RIMBP2: variants seen among roughly 807,000 people sequenced by gnomAD.
RIMBP2 encodes the protein RIMS binding protein 2, also known as RIMS-binding protein 2.
In RIMBP2, 48 loss-of-function variants were observed where a neutral mutation model predicts 118.6. That is an observed-to-expected ratio of 0.40 (90% confidence interval 0.32 to 0.51). The LOEUF is 0.51. Ranked by LOEUF, RIMBP2 falls within the 20% of genes least tolerant of loss-of-function variation. RIMBP2 has a pLI of 0.41. For synonymous variants in RIMBP2, 762 were observed against 742.9 expected (o/e 1.03, Z -0.42); for missense variants, 1,551 against 1,768.3 (o/e 0.88, Z 2.20).
chr12:130,505,421 T>A (rs1200261903), intron 4 of RIMBP2, among the ~76,000 whole-genome samples: 1 of 151,030 alleles, frequency 6.6e-6, no homozygotes, highest in Non-Finnish European at 1.5e-5. Flanking sequence ...TTTTCATCAC[T>A]CCAAAAAGAA....
intron 2 of RIMBP2, among the ~76,000 whole-genome samples, chr12:130,612,265 C>T (rs1169340741): frequency 5.9e-5 from 9 of 152,186 alleles, no homozygotes; most frequent in East Asian, 1.9e-4. Flanking sequence ...TGAAAACAGG[C>T]CTTCTGAGGG....
At chr12:130,518,301 A>T (rs2051695697) in intron 2 of RIMBP2, among the ~76,000 whole-genome samples, 1 of 152,208 alleles carries the variant, frequency 6.6e-6, no homozygotes, top group Admixed American at 6.5e-5. Flanking sequence ...GAGAAAGTTT[A>T]GAAATATTTA....
At chr12:130,406,494 A>G (rs1739050703) in intron 20 of RIMBP2, among the ~76,000 whole-genome samples, 1 of 152,248 alleles carries the variant, frequency 6.6e-6, no homozygotes, top group Admixed American at 6.5e-5. Context: ...ATTCAAGATT[A>G]TTACCATGTT....
chr12:130,638,187 T>C (rs1250653657), intron 1 of RIMBP2, among the ~76,000 whole-genome samples: 2 of 152,198 alleles, frequency 1.3e-5, no homozygotes. Flanking sequence ...AGCCACCCTG[T>C]TTGGGAATAG....
At chr12:130,664,465 A>ACACACACGCACGCACACACACACATG (rs74195662) in intron 1 of RIMBP2, among the ~76,000 whole-genome samples, 5 of 122,630 alleles carry the variant, frequency 4.1e-5, no homozygotes, top group Non-Finnish European at 7.2e-5. Flanking sequence ...ATGCACGCAC[A>ACACACACGCACGCACACACACACATG]CACACGCACG....
intron 3 of RIMBP2, among the ~76,000 whole-genome samples, chr12:130,510,443 G>A (rs1009696819): frequency 6.6e-6 from 1 of 151,904 alleles, no homozygotes; most frequent in African/African-American, 2.4e-5. Flanking sequence ...AGTCCATGGA[G>A]GACCTCGGGG....
chr12:130,439,278 ATTGTGTGTGTATATGTGG>A (rs1336916889), intron 11 of RIMBP2, among the ~76,000 whole-genome samples: 1 of 151,672 alleles, frequency 6.6e-6, no homozygotes. Context: ...GTGTATGTAC[ATTGTGTGTGTATATGTGG>A]GTGTGTGTGT....
At chr12:130,512,321 A>G (rs1362653385) in intron 3 of RIMBP2, among the ~76,000 whole-genome samples, 2 of 144,766 alleles carry the variant, frequency 1.4e-5, no homozygotes, top group Admixed American at 1.4e-4. Flanking sequence ...CTCAAAGTCC[A>G]TTGCTTTCTT....
chr12:130,450,459 C>G lies in RIMBP2; in HGVS notation c.505-183G>C, dbSNP rs1032469946. ...ATGCGAGCTTGGAAAGGAGGGTGGT[C>G]CCTCGGTGTGGACCCCTTATTACAT... is the stretch of plus-strand genomic sequence containing the variant. On this transcript the variant is annotated intron_variant, in intron 8 of 22. Coordinates refer to ENST00000690449, the MANE Select transcript of RIMBP2 (RefSeq NM_001393629.1). The surrounding 1 kb of genome is among the most constrained non-coding windows in gnomAD (Gnocchi z 4.8). 2.6e-5 allele frequency among the ~76,000 whole-genome samples: 4 copies of G among 151,872 alleles called. No individual in the cohort carries two copies. The highest frequency in any genetic ancestry group is 9.7e-5 in the African/African-American group (4 of 41,346).
At chr12:130,467,758 A>G (rs2080622896) in intron 6 of RIMBP2, among the ~76,000 whole-genome samples, 1 of 152,156 alleles carries the variant, frequency 6.6e-6, no homozygotes, top group African/African-American at 2.4e-5. Context: ...TGTACATCTT[A>G]TACTTATTGA....
intron 3 of RIMBP2, among the ~76,000 whole-genome samples, chr12:130,512,008 C>G (rs1423934461): frequency 6.6e-6 from 1 of 152,208 alleles, no homozygotes; most frequent in Non-Finnish European, 1.5e-5. Context: ...ATAACCCCAG[C>G]TGATAAACCT....
chr12:130,678,596 C>A (rs1382340166), intron 1 of RIMBP2, among the ~76,000 whole-genome samples: 1 of 152,192 alleles, frequency 6.6e-6, no homozygotes, highest in Non-Finnish European at 1.5e-5. Context: ...CGGCTCACTG[C>A]AGCCTCCACC....
intron 2 of RIMBP2, among the ~76,000 whole-genome samples, chr12:130,533,131 G>T (rs527441813): frequency 6.6e-6 from 1 of 150,588 alleles, no homozygotes; most frequent in African/African-American, 2.4e-5. Flanking sequence ...TAGGAGGGAC[G>T]TCTAATGAGA....
chr12:130,568,682 T>C (rs1172720383), intron 2 of RIMBP2, among the ~76,000 whole-genome samples: 1 of 152,232 alleles, frequency 6.6e-6, no homozygotes, highest in Non-Finnish European at 1.5e-5. Context: ...CAGAGCTAAA[T>C]GCTTTGCTTT....
At position 130,511,426 on chromosome 12, in the gene RIMBP2, TTG is replaced by T. The variant is rs2050899939; in HGVS notation, c.-126-4658_-126-4657del. Among the ~76,000 whole-genome samples, 1 of 152,140 alleles carries T rather than the reference TTG, an allele frequency of 6.6e-6. No individual in the cohort carries two copies. Among genetic ancestry groups the T allele is most frequent in the African/African-American group, 2.4e-5 (1 of 41,430 alleles). ...CTCGTTACCGCGAGCACGCGTCGAA[TTG>T]TCACTCTACACCAACAACTGGCATC... On this transcript the variant is annotated intron_variant, in intron 3 of 22. Transcript: ENST00000690449. This position sits in a 1 kb window ranked among gnomAD's most constrained non-coding sequence, Gnocchi z 4.3.
At position 130,439,019 on chromosome 12, in the gene RIMBP2, C is replaced by T. The variant is rs557542602; in HGVS notation, c.1505-503G>A. ...TCTTCTCTCTTTTCTCTCCCTCTAC[C>T]CTCTGCCCGGACCGCATATTCCCCA... On this transcript the variant is annotated intron_variant, in intron 11 of 22. Coordinates refer to ENST00000690449, the MANE Select transcript of RIMBP2 (RefSeq NM_001393629.1). 2.8e-4 allele frequency among the ~76,000 whole-genome samples: 43 copies of T among 152,054 alleles called. 1 individual carries two copies. In the South Asian group the frequency reaches 8.5e-3, roughly 30 times the overall value.
At chr12:130,486,511 A>C (rs1045917989) in intron 4 of RIMBP2, among the ~76,000 whole-genome samples, 3 of 134,204 alleles carry the variant, frequency 2.2e-5, no homozygotes, top group South Asian at 2.5e-4. Context: ...TTATCCCCAC[A>C]TGGATGTACA....
At chr12:130,556,672 G>A (rs143219838) in intron 2 of RIMBP2, among the ~76,000 whole-genome samples, 22 of 152,288 alleles carry the variant, frequency 1.4e-4, no homozygotes, top group Admixed American at 2.6e-4. Context: ...GAATGGAGAC[G>A]GGGGAGGCTC....
chr12:130,665,449 C>A (rs35446839), intron 1 of RIMBP2, among the ~76,000 whole-genome samples: 2 of 151,196 alleles, frequency 1.3e-5, no homozygotes, highest in Admixed American at 1.3e-4. Context: ...CACTCGAACC[C>A]GGGAGGCAGA....
Sources: gnomAD v4.1 joint callset for allele counts (sites outside exome capture counted in the v4.1 genomes callset) on GRCh38, gnomAD v4.1.1 for gene constraint, Gnocchi (gnomAD v3.1) non-coding constraint, MANE v1.5 for transcripts, NCBI Gene and HGNC (gene_info 2026-07-23, HGNC 2026-07-21) for gene names.